Variants in MRPS28 observed in about 807,000 individuals in gnomAD.
MRPS28 encodes mitochondrial ribosomal protein S28.
A neutral mutation model predicts 10.8 loss-of-function variants in MRPS28; 7 were observed. The observed-to-expected ratio is 0.65, with a 90% confidence interval of 0.37 to 1.22. The LOEUF (loss-of-function observed/expected upper bound fraction) is 1.22, where lower values mean the gene tolerates loss of function less well. Among genes scored for constraint, MRPS28 ranks in the 50% most tolerant of loss-of-function variants. The pLI is 0.02. For synonymous variants in MRPS28, 121 were observed against 93.3 expected, an observed-to-expected ratio of 1.30 and a Z score of -1.71; for missense variants, 265 against 232.9, an observed-to-expected ratio of 1.14 and a Z score of -0.90.
At chr8:79,993,361 T>C (rs943300772) in intron 2 of MRPS28, among the ~76,000 whole-genome samples, 9 of 152,224 alleles carry the variant, frequency 5.9e-5, no homozygotes, top group African/African-American at 2.2e-4. Context: ...TCTGGAATGA[T>C]AGAGCTATAC....
chr8:79,935,984 A>G (rs1339359098), intron 2 of MRPS28, among the ~76,000 whole-genome samples: 2 of 151,296 alleles, frequency 1.3e-5, no homozygotes, highest in Non-Finnish European at 2.9e-5. Flanking sequence ...TAGTGCACTG[A>G]TAATCACAAA....
intron 2 of MRPS28, among the ~76,000 whole-genome samples, chr8:79,955,786 G>T (rs1298650637): frequency 6.6e-6 from 1 of 152,140 alleles, no homozygotes; most frequent in African/African-American, 2.4e-5. Context: ...CAAAGGTTTT[G>T]GTTGAATGAA....
intron 2 of MRPS28, among the ~76,000 whole-genome samples, chr8:79,941,640 T>G (rs1481441190): frequency 6.6e-6 from 1 of 152,236 alleles, no homozygotes; most frequent in African/African-American, 2.4e-5. Context: ...CAAGATTTTA[T>G]GTTCAATTAT....
chr8:80,019,931 A>C (rs1368505113), intron 1 of MRPS28, among the ~76,000 whole-genome samples: 1 of 152,210 alleles, frequency 6.6e-6, no homozygotes, highest in African/African-American at 2.4e-5. Flanking sequence ...ACACAGCCTA[A>C]GGAGGTCCTG....
At chr8:80,013,443 T>C (rs1266334864) in intron 1 of MRPS28, among the ~76,000 whole-genome samples, 1 of 151,920 alleles carries the variant, frequency 6.6e-6, no homozygotes, top group African/African-American at 2.4e-5. Context: ...GAGAACAGCC[T>C]GACCAACATG....
intron 2 of MRPS28, 48 bp downstream of exon 2, chr8:80,002,951 C>A: frequency 1.4e-6 from 2 of 1,418,152 alleles, no homozygotes; most frequent in South Asian, 1.7e-5. Flanking sequence ...TTGCGCTATC[C>A]CAACTTTTAT....
At chr8:79,935,428 TTCC>T (rs1476945616) in intron 2 of MRPS28, among the ~76,000 whole-genome samples, 1 of 152,226 alleles carries the variant, frequency 6.6e-6, no homozygotes, top group Admixed American at 6.5e-5. Flanking sequence ...TTTCATTCTC[TTCC>T]TCTTCCCTTT....
intron 2 of MRPS28, among the ~76,000 whole-genome samples, chr8:79,970,361 T>G (rs905369620): frequency 6.6e-6 from 1 of 152,216 alleles, no homozygotes; most frequent in Non-Finnish European, 1.5e-5. Flanking sequence ...GTGCTCTACA[T>G]GTAGAAAATT....
rs576183560 is a variant in MRPS28 at position 79,951,742 on chromosome 8, C to A, written c.396-32594G>T. ...TTAAAAGAGACACACGAAAGAGATG[C>A]CCCCTTTCCTGTACCTGTAAATTAA... is the stretch of plus-strand genomic sequence containing the variant. On this transcript the variant is annotated intron_variant, in intron 2 of 2. Transcript: ENST00000276585. Among the ~76,000 whole-genome samples, 3 of 152,278 alleles carry A rather than the reference C, an allele frequency of 2.0e-5. No homozygotes were observed. The South Asian group carries it at 6.2e-4, about 32-fold the overall frequency.
chr8:80,007,528 A>G (rs1808887628), intron 1 of MRPS28, among the ~76,000 whole-genome samples: 1 of 152,178 alleles, frequency 6.6e-6, no homozygotes, highest in Non-Finnish European at 1.5e-5. Flanking sequence ...AAACCCCATC[A>G]TCTCAGCCCA....
intron 1 of MRPS28, chr8:80,029,780 C>T: frequency 6.6e-7 from 1 of 1,508,370 alleles, no homozygotes; most frequent in Non-Finnish European, 8.9e-7. Context: ...AGCATTCAAT[C>T]CCAGGAAAAC....
At chr8:79,923,673 T>C (rs1302076489) in intron 2 of MRPS28, among the ~76,000 whole-genome samples, 1 of 152,016 alleles carries the variant, frequency 6.6e-6, no homozygotes, top group South Asian at 2.1e-4. Context: ...AAAACGAAAA[T>C]AGCCTGTGTT....
Position 79,958,671 on chromosome 8 carries a change from C to T in MRPS28, c.396-39523G>A, listed in dbSNP as rs150654026. On this transcript the variant is annotated intron_variant, in intron 2 of 2. Coordinates refer to ENST00000276585, the MANE Select transcript of MRPS28 (RefSeq NM_014018.3). ...TTAGCGATTTAGTGAATGACCACTG[C>T]CCTGATATTCTGTTCTGTTAACACA... Among the ~76,000 whole-genome samples the T allele has an allele frequency of 2.1e-4, 32 of 152,206 alleles. No individual in the cohort carries two copies. In the East Asian group the frequency reaches 5.2e-3, roughly 25 times the overall value.
intron 2 of MRPS28, among the ~76,000 whole-genome samples, chr8:79,975,304 A>ATAAT (rs1028899318): frequency 6.6e-6 from 1 of 152,190 alleles, no homozygotes; most frequent in Admixed American, 6.5e-5. Flanking sequence ...CTTGGAAAAG[A>ATAAT]TAATTAATTA....
chr8:79,982,420 G>A (rs1807987243), intron 2 of MRPS28, among the ~76,000 whole-genome samples: 1 of 152,240 alleles, frequency 6.6e-6, no homozygotes, highest in Admixed American at 6.5e-5. Flanking sequence ...GCGCAGGACA[G>A]TGGTTGCAGC....
At chr8:79,987,135 A>G (rs1451347699) in intron 2 of MRPS28, among the ~76,000 whole-genome samples, 2 of 152,044 alleles carry the variant, frequency 1.3e-5, no homozygotes, top group East Asian at 3.8e-4. Context: ...AGCTACAACT[A>G]TCTGATCTTT....
At chr8:79,924,446 G>A (rs1226902113) in intron 2 of MRPS28, among the ~76,000 whole-genome samples, 1 of 152,006 alleles carries the variant, frequency 6.6e-6, no homozygotes, top group Admixed American at 6.5e-5. Context: ...GTATGTGTGT[G>A]AGTAAGTAGG....
intron 2 of MRPS28, among the ~76,000 whole-genome samples, chr8:79,972,273 C>G (rs945735990): frequency 2.6e-5 from 4 of 152,104 alleles, no homozygotes; most frequent in Non-Finnish European, 1.5e-5. Context: ...AAGCACTATG[C>G]CATTTTATTA....
rs544238202 is a variant in MRPS28 at position 79,939,794 on chromosome 8, C to A, written c.396-20646G>T. On this transcript the variant is annotated intron_variant, in intron 2 of 2. Coordinates refer to ENST00000276585, the MANE Select transcript of MRPS28 (RefSeq NM_014018.3). ...GACCATCCTAGCTAACATGGTGAAA[C>A]CCCGTCTCTACTAAAAATACAAAAA... Among the ~76,000 whole-genome samples the A allele has an allele frequency of 1.7e-3, 260 of 152,088 alleles. 1 individual carries two copies. Among genetic ancestry groups the A allele is most frequent in the Non-Finnish European group, 3.1e-3 (210 of 67,990 alleles).
Sources: gnomAD v4.1 joint callset for allele counts (sites outside exome capture counted in the v4.1 genomes callset) on GRCh38, gnomAD v4.1.1 for gene constraint, MANE v1.5 for transcripts, NCBI Gene and HGNC (gene_info 2026-07-23, HGNC 2026-07-21) for gene names.